SLC35F1: variants seen among roughly 807,000 people sequenced by gnomAD.
SLC35F1 encodes the protein chromosome 6 open reading frame 169.
SLC35F1 carries 14 observed loss-of-function variants against 48.7 expected under a neutral mutation model. The ratio of observed to expected loss-of-function variants is 0.29; its 90% CI spans 0.19 to 0.45. SLC35F1 has a LOEUF of 0.45. Ranked by LOEUF, SLC35F1 falls within the 20% of genes least tolerant of loss-of-function variation. The probability of loss-of-function intolerance (pLI) is 1.00; values close to 1 mark genes in which losing one functional copy is unlikely to be tolerated. For missense variants in SLC35F1, 404 were observed against 500.0 expected (o/e 0.81, Z 1.83); for synonymous variants, 190 against 202.2 (o/e 0.94, Z 0.51).
intron 1 of SLC35F1, among the ~76,000 whole-genome samples, chr6:117,951,868 T>C (rs1221708788): frequency 1.3e-5 from 2 of 152,230 alleles, no homozygotes; most frequent in Admixed American, 6.5e-5. Context: ...GATTCAGTCC[T>C]GATTGCCAAT....
intron 1 of SLC35F1, among the ~76,000 whole-genome samples, chr6:117,920,215 AGGGCGTG>A (rs1775879795): frequency 6.6e-6 from 1 of 151,482 alleles, no homozygotes; most frequent in Non-Finnish European, 1.5e-5. Flanking sequence ...GTGGACGGGG[AGGGCGTG>A]CGCGAGCCTC....
chr6:117,946,587 A>G (rs565094486), intron 1 of SLC35F1, among the ~76,000 whole-genome samples: 2 of 152,322 alleles, frequency 1.3e-5, no homozygotes, highest in South Asian at 2.1e-4. Context: ...TGAGATGACA[A>G]CCTACATGTA....
At chr6:118,172,543 A>C (rs1412601432) in intron 2 of SLC35F1, among the ~76,000 whole-genome samples, 1 of 152,202 alleles carries the variant, frequency 6.6e-6, no homozygotes, top group Non-Finnish European at 1.5e-5. Flanking sequence ...AGCATGGTCT[A>C]GATAACTGCT....
rs746196126 is a variant in SLC35F1 at position 118,267,096 on chromosome 6, C to T, written c.579C>T (p.Ile193=). The T allele has an allele frequency of 6.2e-7, 1 of 1,614,024 alleles. No homozygotes were observed. The highest frequency in any genetic ancestry group is 1.1e-5 in the South Asian group (1 of 91,080). Residue 193 remains isoleucine (I), a synonymous_variant, in exon 4 of 8, where the codon ATC becomes ATT. Coordinates refer to ENST00000360388, the MANE Select transcript of SLC35F1 (RefSeq NM_001029858.4). ...ATTTCATCGGCATCGTTGTCTGCAT[C>T]CTGGGAATGGGCTGCATGGTGGGAG... is the stretch of plus-strand genomic sequence containing the variant. ...AVHFIGIVVC[I]LGMGCMVGAD...
At chr6:118,191,052 T>C (rs1419851552) in intron 2 of SLC35F1, among the ~76,000 whole-genome samples, 2 of 152,176 alleles carry the variant, frequency 1.3e-5, no homozygotes, top group Non-Finnish European at 1.5e-5. Context: ...CATTGCCTCT[T>C]TTATTCCAAA....
chr6:118,063,306 T>A (rs112697870), intron 1 of SLC35F1, among the ~76,000 whole-genome samples: 2,213 of 152,280 alleles, frequency 0.015, 62 homozygotes, highest in African/African-American at 0.05. Flanking sequence ...GAGCAAGATT[T>A]TATTTCTTTC....
At chr6:118,299,863 C>T (rs1379172032) in intron 7 of SLC35F1, among the ~76,000 whole-genome samples, 2 of 152,174 alleles carry the variant, frequency 1.3e-5, no homozygotes, top group Admixed American at 6.5e-5. Flanking sequence ...ATCCCTGAAA[C>T]AACCAGTTAC....
At chr6:118,231,252 C>T (rs1775289430) in intron 2 of SLC35F1, among the ~76,000 whole-genome samples, 1 of 152,038 alleles carries the variant, frequency 6.6e-6, no homozygotes, top group Non-Finnish European at 1.5e-5. Flanking sequence ...ATTTAATTGC[C>T]AAACTGTAAT....
At chr6:117,948,320 G>T (rs1270222096) in intron 1 of SLC35F1, among the ~76,000 whole-genome samples, 7 of 152,110 alleles carry the variant, frequency 4.6e-5, no homozygotes, top group African/African-American at 1.2e-4. Context: ...AATTATTTAA[G>T]CTACCATATC....
chr6:118,039,649 T>A (rs1468451653), intron 1 of SLC35F1, among the ~76,000 whole-genome samples: 1 of 151,992 alleles, frequency 6.6e-6, no homozygotes, highest in East Asian at 1.9e-4. Flanking sequence ...TTTAAAAAAT[T>A]GCATGCATTG....
intron 1 of SLC35F1, among the ~76,000 whole-genome samples, chr6:118,085,932 AT>A (rs1772983688): frequency 6.6e-6 from 1 of 151,970 alleles, no homozygotes; most frequent in Non-Finnish European, 1.5e-5. Flanking sequence ...TGATGATCAA[AT>A]TTCCCCCTTC....
At chr6:117,922,550 C>T (rs144340772) in intron 1 of SLC35F1, among the ~76,000 whole-genome samples, 5 of 152,268 alleles carry the variant, frequency 3.3e-5, no homozygotes, top group Non-Finnish European at 7.3e-5. Context: ...AATTTTGCTA[C>T]ATCGTTAAGT....
At chr6:117,921,998 T>G (rs1483392789) in intron 1 of SLC35F1, among the ~76,000 whole-genome samples, 1 of 152,252 alleles carries the variant, frequency 6.6e-6, no homozygotes, top group Admixed American at 6.5e-5. Flanking sequence ...AATTGTCATC[T>G]TTATTGTCAC....
chr6:118,085,040 G>A (rs775691132), intron 1 of SLC35F1, among the ~76,000 whole-genome samples: 21 of 152,226 alleles, frequency 1.4e-4, no homozygotes, highest in Admixed American at 3.3e-4. Context: ...CCTGGGTGGT[G>A]GGGGTCTGTG....
At chr6:118,294,974 T>C (rs1776166091) in intron 7 of SLC35F1, among the ~76,000 whole-genome samples, 1 of 152,198 alleles carries the variant, frequency 6.6e-6, no homozygotes, top group Non-Finnish European at 1.5e-5. Context: ...TACCAGATAA[T>C]TTTTAAATAA....
intron 2 of SLC35F1, among the ~76,000 whole-genome samples, chr6:118,163,874 A>T (rs1774277192): frequency 6.6e-6 from 1 of 152,234 alleles, no homozygotes; most frequent in Non-Finnish European, 1.5e-5. Flanking sequence ...AGTGAACTGA[A>T]TTGCTTTCCC....
intron 2 of SLC35F1, among the ~76,000 whole-genome samples, chr6:118,200,741 G>GT (rs1281647202): frequency 2.0e-5 from 3 of 152,086 alleles, no homozygotes; most frequent in African/African-American, 7.2e-5. Context: ...TTTTTCTATC[G>GT]TAACAGTGCG....
At chr6:118,081,373 G>A (rs1358397571) in intron 1 of SLC35F1, among the ~76,000 whole-genome samples, 1 of 152,024 alleles carries the variant, frequency 6.6e-6, no homozygotes, top group Non-Finnish European at 1.5e-5. Flanking sequence ...TCTCACACCT[G>A]TAATCCTAAC....
chr6:118,107,589 T>C (rs750589815), intron 1 of SLC35F1, among the ~76,000 whole-genome samples: 8 of 152,180 alleles, frequency 5.3e-5, no homozygotes, highest in Non-Finnish European at 8.8e-5. Context: ...GACAATATTT[T>C]AGTTGGATCA....
Sources: gnomAD v4.1 joint callset for allele counts (sites outside exome capture counted in the v4.1 genomes callset) on GRCh38, gnomAD v4.1.1 for gene constraint, MANE v1.5 for transcripts, NCBI Gene and HGNC (gene_info 2026-07-23, HGNC 2026-07-21) for gene names.